HOXA6: variants seen among roughly 807,000 people sequenced by gnomAD.
HOXA6 encodes the protein homeobox A6, also known as homeobox protein Hox-A6.
In HOXA6, 19 loss-of-function variants were observed where a neutral mutation model predicts 23.2. The ratio of observed to expected loss-of-function variants is 0.82; its 90% CI spans 0.57 to 1.20. The LOEUF (loss-of-function observed/expected upper bound fraction) is 1.20. Ranked by LOEUF, HOXA6 falls within the 50% of genes most tolerant of loss-of-function variation. HOXA6 has a pLI of 0.00. For synonymous variants in HOXA6, 140 were observed against 132.6 expected, an observed-to-expected ratio of 1.06 and a Z score of -0.38; for missense variants, 346 against 313.6, an observed-to-expected ratio of 1.10 and a Z score of -0.78.
intron 1 of HOXA6, 22 bp from the exon 2 acceptor site, chr7:27,145,939 C>T: frequency 1.2e-6 from 2 of 1,603,966 alleles, no homozygotes; most frequent in Non-Finnish European, 8.5e-7. Context: ...AACGGCCGGG[C>T]GCCGGTAAGC....
intron 1 of HOXA6, among the ~76,000 whole-genome samples, chr7:27,147,004 T>A (rs1344175260): frequency 1.3e-5 from 2 of 152,034 alleles, no homozygotes; most frequent in Non-Finnish European, 2.9e-5. Flanking sequence ...AGGCTGTCCC[T>A]CCCCACCAGC....
rs1417328965 is a variant in HOXA6, at chr7:27,147,378, A to G, written c.372T>C (p.His124=). 3 of 1,613,978 alleles carry G rather than the reference A, an allele frequency of 1.9e-6. No homozygotes were observed. The highest frequency in any genetic ancestry group is 1.1e-5 in the South Asian group (1 of 91,084). The change falls in exon 1 of 2, where the codon CAT becomes CAC. Residue 124 remains histidine (H), a synonymous_variant. Transcript: ENST00000222728. Reference sequence around the variant, plus strand: ...TGTACTTCCGGTCGGCGCCTTCGTCATGGAGTGCTTTGCCCTGCCCGCTGC... The same window carrying G: ...TGTACTTCCGGTCGGCGCCTTCGTCGTGGAGTGCTTTGCCCTGCCCGCTGC... ...DSSSGQGKAL[H]DEGADRKYTS...
Position 27,145,736 on chromosome 7 carries a change from C to A in HOXA6, c.624G>T (p.Met208Ile). The A allele has an allele frequency of 6.2e-7, 1 of 1,614,232 alleles. No homozygotes were observed. Among genetic ancestry groups the A allele is most frequent in the Non-Finnish European group, 8.5e-7 (1 of 1,180,048 alleles). Residue 208 changes from methionine to isoleucine, a missense_variant, in exon 2 of 2, where the codon ATG becomes ATT. Met to Ile is a conservative substitution (Grantham distance 10). Transcript: ENST00000222728. ...TGAGCTTGTTTTCCTTTTTCCACTT[C>A]ATGCGGCGGTTCTGGAACCAGATCT... ...QIKIWFQNRRMKWKKENKLIN... is the reference protein window; with the variant it reads ...QIKIWFQNRRIKWKKENKLIN...
intron 1 of HOXA6, chr7:27,147,066 G>A: frequency 1.8e-6 from 1 of 565,194 alleles, no homozygotes; most frequent in South Asian, 2.4e-5. Flanking sequence ...ACGTGCCAGT[G>A]CCCCCATCCT....
In HOXA6 at chr7:27,146,250, T is replaced by TG. The variant is rs1428474749; in HGVS notation, c.443-334_443-333insC. 3.6e-4 allele frequency among the ~76,000 whole-genome samples: 32 copies of TG among 88,304 alleles called. No homozygotes were observed. In the East Asian group the frequency reaches 3.8e-3, roughly 11 times the overall value. The allele number at this position is 88,304 out of a possible 152,430, so 57.9% of individuals were successfully genotyped here. A position where few individuals can be genotyped will look rare whatever the true frequency, so the allele number is the denominator to read the frequency against. ...TGGGGATGCAGGGTGTGTGTGTGTG[T>TG]TTGTGTGTGTGTGTGTGTGTGTGTC... On this transcript the variant is annotated intron_variant, in intron 1 of 1. Transcript: ENST00000222728.
chr7:27,145,907 A>G lies in HOXA6; in HGVS notation c.453T>C (p.Tyr151=), dbSNP rs1480985665. 1.2e-6 allele frequency: 2 copies of G among 1,613,654 alleles called. No individual in the cohort carries two copies. Among genetic ancestry groups the G allele is most frequent in the East Asian group, 2.2e-5 (1 of 44,844 alleles). ...GGCGGCCTCGGCGCCCATGGCTCCC[A>G]TACACAGCACCTACGAGCAGAAACG... ...QRMNSCAGAV[Y]GSHGRRGRQT... The change falls in exon 2 of 2, where the codon TAT becomes TAC. Residue 151 remains tyrosine, a synonymous_variant. Transcript: ENST00000222728.
intron 1 of HOXA6, among the ~76,000 whole-genome samples, chr7:27,146,649 C>G (rs921092758): frequency 6.6e-6 from 1 of 152,102 alleles, no homozygotes; most frequent in African/African-American, 2.4e-5. Context: ...GTTGGGCTGT[C>G]TGATCTGGTG....
chr7:27,147,486 G>C lies in HOXA6; in HGVS notation c.264C>G (p.Ala88=). The change falls in exon 1 of 2, where the codon GCC becomes GCG. Residue 88 remains alanine, a synonymous_variant. Transcript: ENST00000222728. The part of the protein sequence containing the change: ...CFYSDKDLSG[A]SPSGSGKQRG... ...TCTGCTTGCCACTGCCCGAGGGCGA[G>C]GCGCCACTGAGGTCCTTATCAGAAT... 6.2e-7 allele frequency: 1 copy of C among 1,614,084 alleles called. No individual in the cohort carries two copies. Among genetic ancestry groups the C allele is most frequent in the South Asian group, 1.1e-5 (1 of 91,072 alleles).
Position 27,145,545 on chromosome 7 carries a change from G to A in HOXA6, c.*113C>T. 2 of 1,323,760 alleles carry A rather than the reference G, an allele frequency of 1.5e-6. No homozygotes were observed. The highest frequency in any genetic ancestry group is 2.1e-6 in the Non-Finnish European group (2 of 968,002). The allele number at this position is 1,323,760 out of a possible 1,614,324, so 82.0% of individuals were successfully genotyped here. A position where few individuals can be genotyped will look rare whatever the true frequency, so the allele number is the denominator to read the frequency against. Reference sequence around the variant, plus strand: ...TTGCAAAGCTCCGGGCTCCCCTGAAGCTGCGGAAGCCCCCAGATGGGAGCA... The same window carrying A: ...TTGCAAAGCTCCGGGCTCCCCTGAAACTGCGGAAGCCCCCAGATGGGAGCA... On this transcript the variant is annotated 3_prime_UTR_variant, in exon 2 of 2. Coordinates refer to ENST00000222728, the MANE Select transcript of HOXA6 (RefSeq NM_024014.4).
Position 27,147,639 on chromosome 7 carries a change from G to T in HOXA6, c.111C>A (p.Pro37=), listed in dbSNP as rs2128062983. 6.2e-7 allele frequency: 1 copy of T among 1,614,200 alleles called. No homozygotes were observed. Among genetic ancestry groups the T allele is most frequent in the Non-Finnish European group, 8.5e-7 (1 of 1,180,020 alleles). Reference sequence around the variant, plus strand: ...TCGACGCCCCGTACGAGGCCGGGAAGGGCCTCAGCGCGTCATAGCCAGCCT... The same window carrying T: ...TCGACGCCCCGTACGAGGCCGGGAATGGCCTCAGCGCGTCATAGCCAGCCT... The part of the protein sequence containing the change: ...LYQAGYDALR[P]FPASYGASSL... Residue 37 remains proline, a synonymous_variant, in exon 1 of 2, where the codon CCC becomes CCA. Coordinates refer to ENST00000222728, the MANE Select transcript of HOXA6 (RefSeq NM_024014.4).
In HOXA6 at chr7:27,145,850, C is replaced by T. The variant is rs2128061988; in HGVS notation, c.510G>A (p.Leu170=). The T allele has an allele frequency of 4.3e-6, 7 of 1,614,248 alleles. No individual in the cohort carries two copies. The African/African-American group carries it at 5.3e-5, about 12-fold the overall frequency. The change falls in exon 2 of 2, where the codon CTG becomes CTA. Residue 170 remains leucine, a synonymous_variant. Coordinates refer to ENST00000222728, the MANE Select transcript of HOXA6 (RefSeq NM_024014.4). The part of the protein sequence containing the change: ...QTYTRYQTLE[L]EKEFHFNRYL... ...AGCGGTTGAAGTGGAACTCCTTCTC[C>T]AGCTCCAGTGTCTGGTAGCGCGTGT... is the stretch of plus-strand genomic sequence containing the variant.
At position 27,145,721 on chromosome 7, in the gene HOXA6, T is replaced by C; in HGVS notation, c.639A>G (p.Glu213=). The C allele has an allele frequency of 6.2e-7, 1 of 1,614,224 alleles. No individual in the cohort carries two copies. The highest frequency in any genetic ancestry group is 8.5e-7 in the Non-Finnish European group (1 of 1,180,054). The change falls in exon 2 of 2, where the codon GAA becomes GAG. Residue 213 remains glutamate, a synonymous_variant. Transcript: ENST00000222728. ...GCTGCGTGGAATTGATGAGCTTGTTTTCCTTTTTCCACTTCATGCGGCGGT... is the reference window on the plus strand; with the variant it reads ...GCTGCGTGGAATTGATGAGCTTGTTCTCCTTTTTCCACTTCATGCGGCGGT... The part of the protein sequence containing the change: ...FQNRRMKWKK[E]NKLINSTQPS...
rs1291068687 is a variant in HOXA6 at position 27,145,518 on chromosome 7, G to A, written c.*140C>T. 10 of 954,582 alleles carry A rather than the reference G, an allele frequency of 1.0e-5. No homozygotes were observed. In the East Asian group the frequency reaches 2.2e-4, roughly 21 times the overall value. 59.1% of individuals were successfully genotyped at this position (954,582 alleles called of 1,614,324 possible). On this transcript the variant is annotated 3_prime_UTR_variant, in exon 2 of 2. Transcript: ENST00000222728. ...TTTTGTAAGAAATAAATGCACAGAC[G>A]CTTGCAAAGCTCCGGGCTCCCCTGA...
In HOXA6 at chr7:27,145,870, G is replaced by A. The variant is rs376435844; in HGVS notation, c.490C>T (p.Arg164Cys). 6.2e-6 allele frequency: 10 copies of A among 1,614,084 alleles called. No individual in the cohort carries two copies. Among genetic ancestry groups the A allele is most frequent in the African/African-American group, 5.3e-5 (4 of 74,932 alleles). The change falls in exon 2 of 2, where the codon CGC becomes TGC. Residue 164 changes from arginine (R) to cysteine (C), a missense_variant. By Grantham distance (180) the Arg-to-Cys change is radical. Transcript: ENST00000222728. Reference sequence around the variant, plus strand: ...TTCTCCAGCTCCAGTGTCTGGTAGCGCGTGTAGGTCTGGCGGCCTCGGCGC... The same window carrying A: ...TTCTCCAGCTCCAGTGTCTGGTAGCACGTGTAGGTCTGGCGGCCTCGGCGC... ...HGRRGRQTYT[R>C]YQTLELEKEF...
At chr7:27,147,231 T>C (rs2128062698) in intron 1 of HOXA6, 77 bp downstream of exon 1, 1 of 1,345,070 alleles carries the variant, frequency 7.4e-7, no homozygotes, top group Non-Finnish European at 1.0e-6. Flanking sequence ...TTCCTCTTTC[T>C]ACTCTGTTTC....
rs745356849 is a variant in HOXA6 at position 27,147,479 on chromosome 7, A to G, written c.271T>C (p.Ser91Pro). Residue 91 changes from serine (S) to proline (P), a missense_variant, in exon 1 of 2, where the codon TCG becomes CCG. Ser to Pro is a moderately conservative substitution (Grantham distance 74). Transcript: ENST00000222728. ...GGGCCCCTCTGCTTGCCACTGCCCG[A>G]GGGCGAGGCGCCACTGAGGTCCTTA... ...SDKDLSGASPSGSGKQRGPGD... is the reference protein window; with the variant it reads ...SDKDLSGASPPGSGKQRGPGD... The G allele has an allele frequency of 1.2e-6, 2 of 1,614,046 alleles. No individual in the cohort carries two copies. The highest frequency in any genetic ancestry group is 1.7e-6 in the Non-Finnish European group (2 of 1,180,024).
chr7:27,145,505 T>A lies in HOXA6; in HGVS notation c.*153A>T. The A allele has an allele frequency of 1.1e-6, 1 of 875,310 alleles. No individual in the cohort carries two copies. Among genetic ancestry groups the A allele is most frequent in the Non-Finnish European group, 1.8e-6 (1 of 565,744 alleles). The allele number at this position is 875,310 out of a possible 1,614,324, so 54.2% of individuals were successfully genotyped here. A position where few individuals can be genotyped will look rare whatever the true frequency, so the allele number is the denominator to read the frequency against. ...TTGTTTTGTTTTGTTTTGTAAGAAA[T>A]AAATGCACAGACGCTTGCAAAGCTC... On this transcript the variant is annotated 3_prime_UTR_variant, in exon 2 of 2. Transcript: ENST00000222728.
At position 27,145,770 on chromosome 7, in the gene HOXA6, C is replaced by A; in HGVS notation, c.590G>T (p.Arg197Leu). The A allele has an allele frequency of 1.2e-6, 2 of 1,614,226 alleles. No homozygotes were observed. Among genetic ancestry groups the A allele is most frequent in the Non-Finnish European group, 1.7e-6 (2 of 1,180,048 alleles). Reference protein sequence around the residue: ...EIANALCLTERQIKIWFQNRR... With the variant: ...EIANALCLTELQIKIWFQNRR... ...GTTCTGGAACCAGATCTTGATCTGG[C>A]GCTCGGTGAGGCAGAGCGCGTTGGC... Residue 197 changes from arginine to leucine, a missense_variant, in exon 2 of 2, where the codon CGC becomes CTC. Physicochemically the swap from Arg to Leu is moderately radical, Grantham distance 102. Coordinates refer to ENST00000222728, the MANE Select transcript of HOXA6 (RefSeq NM_024014.4).
At position 27,147,324 on chromosome 7, in the gene HOXA6, C is replaced by G; in HGVS notation, c.426G>C (p.Arg142=). The change falls in exon 1 of 2, where the codon CGG becomes CGC. Residue 142 remains arginine (R), a synonymous_variant. Coordinates refer to ENST00000222728, the MANE Select transcript of HOXA6 (RefSeq NM_024014.4). ...YTSPVYPWMQ[R]MNSCAGAVYG... is the part of the protein sequence containing the mutation. ...ATGTCTTACCCGCGCAGGAGTTCAT[C>G]CGCTGCATCCAAGGGTAAACCGGGC... is the stretch of plus-strand genomic sequence containing the variant. The G allele has an allele frequency of 6.2e-7, 1 of 1,613,976 alleles. No homozygotes were observed. The highest frequency in any genetic ancestry group is 8.5e-7 in the Non-Finnish European group (1 of 1,179,972).
Sources: gnomAD v4.1 joint callset for allele counts (sites outside exome capture counted in the v4.1 genomes callset) on GRCh38, gnomAD v4.1.1 for gene constraint, MANE v1.5 for transcripts, NCBI Gene and HGNC (gene_info 2026-07-23, HGNC 2026-07-21) for gene names.